The following MARVELD2 variants were observed in gnomAD, a reference collection of about 807,000 sequenced individuals.
MARVELD2 encodes the protein MARVEL domain-containing protein 2.
A neutral mutation model predicts 57.6 loss-of-function variants in MARVELD2; 49 were observed. That is an observed-to-expected ratio of 0.85 (90% CI 0.68 to 1.08). MARVELD2 has a LOEUF of 1.08. Among genes scored for constraint, MARVELD2 ranks in the 50% least tolerant of loss-of-function variants. MARVELD2 has a pLI of 0.00. For synonymous variants in MARVELD2, 238 were observed against 258.8 expected (o/e 0.92, Z 0.77); for missense variants, 606 against 701.1 (o/e 0.86, Z 1.53).
chr5:69,436,893 C>T (rs776891019), intron 5 of MARVELD2, among the ~76,000 whole-genome samples: 8 of 151,938 alleles, frequency 5.3e-5, no homozygotes, highest in Non-Finnish European at 8.8e-5. Flanking sequence ...GAGGCTGAGG[C>T]GGGCAGATCA....
Position 69,419,702 on chromosome 5 carries a change from T to A in MARVELD2, c.317T>A (p.Ile106Asn), listed in dbSNP as rs1340195092. The A allele has an allele frequency of 1.2e-6, 2 of 1,614,000 alleles. No individual in the cohort carries two copies. The highest frequency in any genetic ancestry group is 3.3e-5 in the Admixed American group (2 of 60,000). The change falls in exon 2 of 7, where the codon ATC (isoleucine) becomes AAC (asparagine). Residue 106 changes from isoleucine to asparagine, a missense_variant. Ile to Asn is a moderately radical substitution (Grantham distance 149, BLOSUM62 -3). Coordinates refer to ENST00000325631, the MANE Select transcript of MARVELD2 (RefSeq NM_001038603.3). The part of the protein sequence containing the change: ...DPEWDKPVSD[I>N]RYISDGVECS... Reference sequence around the variant, plus strand: ...GAATGGGATAAGCCGGTGTCTGATATCAGGTACATCTCCGATGGAGTGGAG... The same window carrying A: ...GAATGGGATAAGCCGGTGTCTGATAACAGGTACATCTCCGATGGAGTGGAG...
intron 2 of MARVELD2, among the ~76,000 whole-genome samples, chr5:69,424,022 T>G (rs947445755): frequency 5.3e-5 from 8 of 152,210 alleles, no homozygotes; most frequent in Admixed American, 3.9e-4. Flanking sequence ...CCTCATAAAT[T>G]TATGCTAGTT....
rs1174369347 is a variant in MARVELD2 at position 69,432,675 on chromosome 5, CGTGA to C, written c.1331+4_1331+7del. 9 of 1,613,892 alleles carry C rather than the reference CGTGA, an allele frequency of 5.6e-6. No homozygotes were observed. Among genetic ancestry groups the C allele is most frequent in the South Asian group, 2.2e-5 (2 of 91,084 alleles). ...CCTATCGTGATGCCCGACTATGTGGCGTGAGTGTCAGTCTGAATTCTTCCTCAAG... is the reference window on the plus strand; with the variant it reads ...CCTATCGTGATGCCCGACTATGTGGCGTGTCAGTCTGAATTCTTCCTCAAG... On this transcript the variant is annotated splice_donor_variant and splice_donor_region_variant and intron_variant, in intron 4 of 6. Transcript: ENST00000325631. LOFTEE classifies it high-confidence loss of function.
chr5:69,425,259 G>A lies in MARVELD2; in HGVS notation c.1182+623G>A, dbSNP rs1247056660. Among the ~76,000 whole-genome samples, 11 of 126,246 alleles carry A rather than the reference G, an allele frequency of 8.7e-5. No individual in the cohort carries two copies. The East Asian group carries it at 2.4e-3, about 27-fold the overall frequency. 82.8% of individuals were successfully genotyped at this position (126,246 alleles called of 152,430 possible). A position where few individuals can be genotyped will look rare whatever the true frequency, so the allele number is the denominator to read the frequency against. On this transcript the variant is annotated intron_variant, in intron 3 of 6. Transcript: ENST00000325631. Reference sequence around the variant, plus strand: ...GGGACTGTGGTGGGGTCGGGGGAGCGGGGAGGGATAGCATTGGGAGATATA... The same window carrying A: ...GGGACTGTGGTGGGGTCGGGGGAGCAGGGAGGGATAGCATTGGGAGATATA...
At chr5:69,441,208 C>T (rs968645836) in intron 6 of MARVELD2, among the ~76,000 whole-genome samples, 1 of 151,674 alleles carries the variant, frequency 6.6e-6, no homozygotes, top group Non-Finnish European at 1.5e-5. Context: ...CCTCAAATAC[C>T]TGGGCTCAAG....
chr5:69,429,541 C>A (rs777246122), intron 3 of MARVELD2, among the ~76,000 whole-genome samples: 14 of 152,176 alleles, frequency 9.2e-5, no homozygotes, highest in Non-Finnish European at 1.9e-4. Flanking sequence ...CAAGCACGAT[C>A]TTACTTTCCA....
chr5:69,441,457 G>C, intron 6 of MARVELD2, 75 bp from the exon 7 acceptor site: 1 of 1,557,844 alleles, frequency 6.4e-7, no homozygotes, highest in Non-Finnish European at 8.8e-7. Context: ...ATCATTTCCT[G>C]GGTGACAATG....
At chr5:69,421,975 G>T (rs1766643924) in intron 2 of MARVELD2, among the ~76,000 whole-genome samples, 1 of 151,958 alleles carries the variant, frequency 6.6e-6, no homozygotes, top group Non-Finnish European at 1.5e-5. Context: ...AATTTCTTAT[G>T]CCTGTCTTTA....
intron 4 of MARVELD2, 56 bp downstream of exon 4, chr5:69,432,731 C>T (rs1442016157): frequency 6.2e-6 from 10 of 1,611,342 alleles, no homozygotes; most frequent in Admixed American, 1.7e-5. Flanking sequence ...CCCATTTGGT[C>T]CTTTCATTTT....
chr5:69,437,692 AAAAC>A (rs1436990365), intron 5 of MARVELD2, among the ~76,000 whole-genome samples: 4 of 151,834 alleles, frequency 2.6e-5, no homozygotes, highest in Non-Finnish European at 5.9e-5. Flanking sequence ...TCAAAAAAAA[AAAAC>A]AAAGAAAATC....
chr5:69,420,372 A>G lies in MARVELD2; in HGVS notation c.987A>G (p.Pro329=), dbSNP rs1349794006. 6.2e-7 allele frequency: 1 copy of G among 1,614,076 alleles called. No individual in the cohort carries two copies. Among genetic ancestry groups the G allele is most frequent in the Non-Finnish European group, 8.5e-7 (1 of 1,180,046 alleles). The change falls in exon 2 of 7, where the codon CCA becomes CCG. Residue 329 remains proline, a synonymous_variant. Coordinates refer to ENST00000325631, the MANE Select transcript of MARVELD2 (RefSeq NM_001038603.3). ...GLCYYPLFNT[P]VNAVFCRVEG... ...GCTACTATCCGTTATTTAATACACC[A>G]GTGAATGCAGTGTTCTGCCGGGTAG...
intron 5 of MARVELD2, among the ~76,000 whole-genome samples, chr5:69,437,412 CG>C (rs1311849339): frequency 3.6e-5 from 5 of 137,724 alleles, no homozygotes; most frequent in Non-Finnish European, 7.7e-5. Flanking sequence ...AAGCTGGGTG[CG>C]GTGGCTCACA....
At chr5:69,424,201 G>A (rs1390039461) in intron 2 of MARVELD2, among the ~76,000 whole-genome samples, 1 of 152,126 alleles carries the variant, frequency 6.6e-6, no homozygotes, top group Non-Finnish European at 1.5e-5. Context: ...CTGTCTGTAC[G>A]TTGCTATAAC....
At chr5:69,435,047 G>C (rs992101596) in intron 5 of MARVELD2, among the ~76,000 whole-genome samples, 1 of 139,572 alleles carries the variant, frequency 7.2e-6, no homozygotes, top group African/African-American at 2.7e-5. Flanking sequence ...TTTTGAGATG[G>C]AGTCTTGCTC....
intron 1 of MARVELD2, 33 bp from the exon 2 acceptor site, chr5:69,419,338 A>G: frequency 1.2e-6 from 2 of 1,605,570 alleles, no homozygotes; most frequent in Non-Finnish European, 1.7e-6. Flanking sequence ...ATAAGTAACT[A>G]ATCATAAGTG....
chr5:69,422,153 C>T (rs1305874472), intron 2 of MARVELD2, among the ~76,000 whole-genome samples: 9 of 152,058 alleles, frequency 5.9e-5, no homozygotes, highest in Non-Finnish European at 1.3e-4. Flanking sequence ...GAGTTAACTG[C>T]ACAAATTGTT....
chr5:69,427,971 G>A (rs1181985520), intron 3 of MARVELD2, among the ~76,000 whole-genome samples: 1 of 152,044 alleles, frequency 6.6e-6, no homozygotes, highest in African/African-American at 2.4e-5. Context: ...AATTAGCCAG[G>A]CATGGTGGTG....
chr5:69,422,843 C>T (rs2150918084), intron 2 of MARVELD2, among the ~76,000 whole-genome samples: 1 of 152,234 alleles, frequency 6.6e-6, no homozygotes. Flanking sequence ...CTCTTTTGTA[C>T]TCTTTCCCTT....
intron 3 of MARVELD2, among the ~76,000 whole-genome samples, chr5:69,426,076 A>G (rs1361558500): frequency 6.6e-6 from 1 of 151,620 alleles, no homozygotes; most frequent in African/African-American, 2.4e-5. Context: ...CAAATTTTGT[A>G]GTGTCAGGGA....
Sources: gnomAD v4.1 joint callset for allele counts (sites outside exome capture counted in the v4.1 genomes callset) on GRCh38, gnomAD v4.1.1 for gene constraint, MANE v1.5 for transcripts, NCBI Gene and HGNC (gene_info 2026-07-23, HGNC 2026-07-21) for gene names.